The following SDK1 variants were observed in gnomAD, a reference collection of about 807,000 sequenced individuals.
SDK1 encodes the protein sidekick cell adhesion molecule 1, also known as protein sidekick-1.
In SDK1, 157 loss-of-function variants were observed where a neutral mutation model predicts 245.5. That is an observed-to-expected ratio of 0.64 (90% confidence interval 0.56 to 0.73). The LOEUF (loss-of-function observed/expected upper bound fraction) is 0.73, where lower values mean the gene tolerates loss of function less well. Among genes scored for constraint, SDK1 ranks in the 30% least tolerant of loss-of-function variants. SDK1 has a pLI of 0.00. For synonymous variants in SDK1, 1,647 were observed against 1,278.5 expected, an observed-to-expected ratio of 1.29 and a Z score of -6.15; for missense variants, 3,583 against 3,002.3, an observed-to-expected ratio of 1.19 and a Z score of -4.52.
chr7:3,924,191 T>C (rs867069619), intron 5 of SDK1, among the ~76,000 whole-genome samples: 14 of 151,408 alleles, frequency 9.2e-5, no homozygotes, highest in African/African-American at 2.4e-4. Flanking sequence ...GCATTGGGGA[T>C]GGGGAAAAGG....
intron 25 of SDK1, among the ~76,000 whole-genome samples, chr7:4,122,939 T>C (rs1259618694): frequency 6.6e-6 from 1 of 152,212 alleles, no homozygotes; most frequent in Non-Finnish European, 1.5e-5. Flanking sequence ...ACTCTGCCAT[T>C]TTCTTTGCTT....
chr7:3,619,607 T>C (rs1023671357), intron 2 of SDK1, among the ~76,000 whole-genome samples: 1 of 152,186 alleles, frequency 6.6e-6, no homozygotes, highest in Admixed American at 6.5e-5. Flanking sequence ...TTTAAACAGA[T>C]CTTTAGTATG....
intron 7 of SDK1, among the ~76,000 whole-genome samples, chr7:3,955,433 G>C (rs1290230702): frequency 6.6e-6 from 1 of 152,224 alleles, no homozygotes; most frequent in African/African-American, 2.4e-5. Context: ...GAATCCAAGA[G>C]AGTCTCCCTA....
chr7:3,408,164 A>G (rs1413758245), intron 1 of SDK1, among the ~76,000 whole-genome samples: 2 of 152,102 alleles, frequency 1.3e-5, no homozygotes, highest in East Asian at 3.9e-4. Context: ...CAGTCTCCTG[A>G]GTAGCTGGGA....
At chr7:3,951,121 G>A (rs1038761351) in intron 6 of SDK1, 87 bp downstream of exon 6, 6 of 1,003,966 alleles carry the variant, frequency 6.0e-6, no homozygotes, top group Non-Finnish European at 9.3e-6. Context: ...TGGAGCATGA[G>A]GTTCAGCCTT....
At chr7:4,047,304 T>A (rs188876224) in intron 17 of SDK1, among the ~76,000 whole-genome samples, 2 of 152,262 alleles carry the variant, frequency 1.3e-5, no homozygotes, top group Non-Finnish European at 2.9e-5. Flanking sequence ...TTGATTGTTA[T>A]TCACATCTTG....
chr7:4,026,665 CTT>C lies in SDK1; in HGVS notation c.2602+9314_2602+9315del, dbSNP rs1426713347. On this transcript the variant is annotated intron_variant, in intron 17 of 44. Transcript: ENST00000404826. This position sits in a 1 kb window ranked among gnomAD's most constrained non-coding sequence, Gnocchi z 4.1. The stretch of plus-strand genomic sequence containing the variant: ...CTTCTGAAGGCCATCAGAAAAGAAA[CTT>C]GAGCTTATTTGTCAAAGGTTTGTTA... Among the ~76,000 whole-genome samples, 1 of 152,196 alleles carries C rather than the reference CTT, an allele frequency of 6.6e-6. No individual in the cohort carries two copies. Among genetic ancestry groups the C allele is most frequent in the Non-Finnish European group, 1.5e-5 (1 of 68,036 alleles).
chr7:3,423,425 A>G (rs563097967), intron 1 of SDK1, among the ~76,000 whole-genome samples: 17 of 152,218 alleles, frequency 1.1e-4, no homozygotes, highest in Non-Finnish European at 2.2e-4. Flanking sequence ...GATTGTCTTC[A>G]TCAAAGAGAA....
At chr7:3,636,167 C>G (rs1393384438) in intron 2 of SDK1, among the ~76,000 whole-genome samples, 1 of 152,162 alleles carries the variant, frequency 6.6e-6, no homozygotes, top group Non-Finnish European at 1.5e-5. Context: ...GCATAAATCT[C>G]TCCATCACCT....
chr7:4,143,283 T>C (rs1779706439), intron 28 of SDK1, among the ~76,000 whole-genome samples: 1 of 152,140 alleles, frequency 6.6e-6, no homozygotes, highest in African/African-American at 2.4e-5. Flanking sequence ...ATGATAACTC[T>C]GTGGTCATAC....
At chr7:3,865,210 G>A (rs575141912) in intron 5 of SDK1, among the ~76,000 whole-genome samples, 1 of 152,198 alleles carries the variant, frequency 6.6e-6, no homozygotes, top group Admixed American at 6.5e-5. Context: ...GGGCAGGAGG[G>A]CCCAGGGGGC....
chr7:3,634,566 A>G (rs1468936116), intron 2 of SDK1, among the ~76,000 whole-genome samples: 1 of 152,208 alleles, frequency 6.6e-6, no homozygotes, highest in Non-Finnish European at 1.5e-5. Flanking sequence ...CATTTTCTAT[A>G]CTTTAGTGGC....
At chr7:3,578,583 A>G (rs1032969270) in intron 1 of SDK1, among the ~76,000 whole-genome samples, 10 of 151,974 alleles carry the variant, frequency 6.6e-5, no homozygotes, top group African/African-American at 2.4e-4. Context: ...TCTCAACCGC[A>G]TAAGACAGAC....
At chr7:3,898,411 C>G (rs1254775641) in intron 5 of SDK1, among the ~76,000 whole-genome samples, 1 of 152,158 alleles carries the variant, frequency 6.6e-6, no homozygotes, top group African/African-American at 2.4e-5. Context: ...CCCAAAGATT[C>G]TAACTAGCTT....
intron 4 of SDK1, among the ~76,000 whole-genome samples, chr7:3,679,620 A>C (rs192182312): frequency 2.0e-5 from 3 of 152,228 alleles, no homozygotes; most frequent in African/African-American, 7.2e-5. Flanking sequence ...ATGGAAGAGG[A>C]TATACAGATG....
intron 1 of SDK1, among the ~76,000 whole-genome samples, chr7:3,438,558 C>T (rs180912190): frequency 6.6e-6 from 1 of 152,182 alleles, no homozygotes; most frequent in Non-Finnish European, 1.5e-5. Flanking sequence ...TGTGTCAGTG[C>T]TGCTGATGGC....
At chr7:3,357,860 T>C (rs1780848004) in intron 1 of SDK1, among the ~76,000 whole-genome samples, 1 of 152,206 alleles carries the variant, frequency 6.6e-6, no homozygotes, top group South Asian at 2.1e-4. Flanking sequence ...TTTTCCCCTT[T>C]GCAGGCTCTT....
chr7:4,252,744 C>T (rs939453041), intron 44 of SDK1, among the ~76,000 whole-genome samples: 2 of 151,700 alleles, frequency 1.3e-5, no homozygotes, highest in African/African-American at 2.4e-5. Flanking sequence ...TCAGTGAAGT[C>T]CTCTGGTCTC....
At chr7:3,623,386 A>G (rs1463167322) in intron 2 of SDK1, among the ~76,000 whole-genome samples, 3 of 151,580 alleles carry the variant, frequency 2.0e-5, no homozygotes, top group African/African-American at 4.8e-5. Context: ...GACTACAGGC[A>G]TGTGTCACCA....
Sources: allele counts gnomAD v4.1 joint callset (sites outside exome capture counted in the v4.1 genomes callset), GRCh38; gene constraint gnomAD v4.1.1; non-coding constraint Gnocchi (gnomAD v3.1); transcripts MANE v1.5; gene names NCBI Gene and HGNC (gene_info 2026-07-23, HGNC 2026-07-21).